The following FHOD3 variants were observed in gnomAD, a reference collection of about 807,000 sequenced individuals.
The protein encoded by FHOD3 is FH1/FH2 domain-containing protein 3.
In FHOD3, 90 loss-of-function variants were observed where a neutral mutation model predicts 173.0. The ratio of observed to expected loss-of-function variants is 0.52; its 90% CI spans 0.44 to 0.62. FHOD3 has a LOEUF of 0.62. FHOD3 is among the 20% of genes least tolerant of loss of function. The pLI, the probability that FHOD3 is intolerant of heterozygous loss-of-function variation, is 0.00. For missense variants in FHOD3, 1,945 were observed against 2,034.7 expected (o/e 0.96, Z 0.85); for synonymous variants, 828 against 823.0 (o/e 1.01, Z -0.10).
intron 5 of FHOD3, among the ~76,000 whole-genome samples, chr18:36,575,389 A>G (rs555239038): frequency 2.2e-4 from 34 of 152,282 alleles, no homozygotes; most frequent in African/African-American, 7.5e-4. Context: ...TTTCTAATCA[A>G]CGTATTTCAT....
chr18:36,355,435 T>C, intron 1 of FHOD3, 104 bp from the exon 2 acceptor site: 2 of 855,330 alleles, frequency 2.3e-6, no homozygotes, highest in Non-Finnish European at 3.8e-6. Flanking sequence ...TTTCAGAACA[T>C]TGCTTGATTT....
chr18:36,582,288 T>G (rs867010423), intron 6 of FHOD3, among the ~76,000 whole-genome samples: 1 of 152,194 alleles, frequency 6.6e-6, no homozygotes, highest in Non-Finnish European at 1.5e-5. Context: ...TGTTGTGTGA[T>G]CTGCTCAGAT....
intron 9 of FHOD3, among the ~76,000 whole-genome samples, chr18:36,617,768 C>T (rs1186333483): frequency 2.6e-5 from 4 of 151,940 alleles, no homozygotes; most frequent in Non-Finnish European, 5.9e-5. Context: ...TGGAAAATTA[C>T]ATGGGCCTGT....
At position 36,769,313 on chromosome 18, in the gene FHOD3, C is replaced by G; in HGVS notation, c.4673C>G (p.Thr1558Arg). Reference protein sequence around the residue: ...TMGTDDSPNVTDDAADEIMDR... With the variant: ...TMGTDDSPNVRDDAADEIMDR... ...GGAACTGATGACTCGCCCAATGTCACAGATGATGCAGCTGATGAGATCATG... is the reference window on the plus strand; with the variant it reads ...GGAACTGATGACTCGCCCAATGTCAGAGATGATGCAGCTGATGAGATCATG... The change falls in exon 28 of 29, where the codon ACA (threonine) becomes AGA (arginine). Residue 1558 changes from threonine (T) to arginine (R), a missense_variant. Physicochemically the swap from Thr to Arg is moderately conservative, Grantham distance 71. Coordinates refer to ENST00000590592, the MANE Select transcript of FHOD3 (RefSeq NM_001281740.3). 6.2e-7 allele frequency: 1 copy of G among 1,614,200 alleles called. No individual in the cohort carries two copies. The highest frequency in any genetic ancestry group is 8.5e-7 in the Non-Finnish European group (1 of 1,180,040).
rs570437081 is a variant in FHOD3, at chr18:36,443,868, C to G, written c.338-58064C>G. ...TTTTATTTGTAGCTCCTCTCTTCAT[C>G]AATAAGAAACTCAGCTTCCATTAGC... On this transcript the variant is annotated intron_variant, in intron 3 of 28. Transcript: ENST00000590592. Among the ~76,000 whole-genome samples, 284 of 152,256 alleles carry G rather than the reference C, an allele frequency of 1.9e-3. 3 individuals are homozygous for G. The highest frequency in any genetic ancestry group is 6.4e-3 in the African/African-American group (266 of 41,526).
chr18:36,643,433 G>T (rs945013816), intron 10 of FHOD3, among the ~76,000 whole-genome samples: 5 of 152,062 alleles, frequency 3.3e-5, no homozygotes, highest in African/African-American at 1.2e-4. Context: ...AATGTCCCCT[G>T]GGGTTGGGGG....
At chr18:36,685,369 T>G (rs754933708) in intron 15 of FHOD3, among the ~76,000 whole-genome samples, 15 of 152,216 alleles carry the variant, frequency 9.9e-5, no homozygotes, top group Non-Finnish European at 2.1e-4. Flanking sequence ...AGGATGTGAA[T>G]GAAAAGAAAT....
intron 5 of FHOD3, among the ~76,000 whole-genome samples, chr18:36,566,152 T>G (rs893908259): frequency 2.0e-5 from 3 of 152,180 alleles, no homozygotes; most frequent in African/African-American, 7.2e-5. Flanking sequence ...AAAAGTCAGA[T>G]GATTTTGCCA....
intron 1 of FHOD3, among the ~76,000 whole-genome samples, chr18:36,344,229 A>G (rs1047564929): frequency 1.3e-5 from 2 of 152,248 alleles, no homozygotes; most frequent in Non-Finnish European, 2.9e-5. Flanking sequence ...AAATTATTAT[A>G]GATAGAAGCA....
At chr18:36,559,996 C>A (rs1349665724) in intron 5 of FHOD3, among the ~76,000 whole-genome samples, 2 of 152,128 alleles carry the variant, frequency 1.3e-5, no homozygotes, top group African/African-American at 4.8e-5. Context: ...AAAGTGAATT[C>A]TTTCTAGGAT....
chr18:36,437,193 C>T (rs1448418264), intron 3 of FHOD3, among the ~76,000 whole-genome samples: 2 of 152,144 alleles, frequency 1.3e-5, no homozygotes, highest in South Asian at 2.1e-4. Context: ...TCTTGGCTCG[C>T]TGCATCCTTC....
chr18:36,328,576 C>G (rs2044803250), intron 1 of FHOD3, among the ~76,000 whole-genome samples: 1 of 152,106 alleles, frequency 6.6e-6, no homozygotes, highest in Non-Finnish European at 1.5e-5. Flanking sequence ...GTGTCCTGAT[C>G]TGACTCATAC....
At chr18:36,396,876 A>AT (rs11431532) in intron 3 of FHOD3, among the ~76,000 whole-genome samples, 66,103 of 150,178 alleles carry the variant, frequency 0.44, 14,782 homozygotes, top group East Asian at 0.68. Context: ...CTTGGTTCAC[A>AT]TTTTTTTTTT....
intron 5 of FHOD3, among the ~76,000 whole-genome samples, chr18:36,571,508 T>G (rs2058451689): frequency 6.6e-6 from 1 of 152,236 alleles, no homozygotes; most frequent in Non-Finnish European, 1.5e-5. Context: ...GTTGTTGATT[T>G]AGACAAGCTG....
rs765159862 is a variant in FHOD3, at chr18:36,740,779, G to A, written c.3700G>A (p.Glu1234Lys). ...CCTCCTCACCCTGTCCTCCATCAGCGAGCTCTCTGCACGACTTCACCTCTG... is the reference window on the plus strand; with the variant it reads ...CCTCCTCACCCTGTCCTCCATCAGCAAGCTCTCTGCACGACTTCACCTCTG... The part of the protein sequence containing the change: ...QFLLTLSSIS[E>K]LSARLHLWAF... Residue 1234 changes from glutamate (E) to lysine (K), a missense_variant, in exon 21 of 29, where the codon GAG (glutamate) becomes AAG (lysine). Glu to Lys is a moderately conservative substitution (Grantham distance 56). Around this residue, in one of 5 missense-constraint regions of FHOD3, gnomAD observed 231 missense variants for 321.9 expected, o/e 0.72. Transcript: ENST00000590592. The A allele has an allele frequency of 7.4e-6, 12 of 1,613,882 alleles. No homozygotes were observed. In the East Asian group the frequency reaches 8.9e-5, roughly 12 times the overall value.
intron 8 of FHOD3, among the ~76,000 whole-genome samples, chr18:36,603,368 G>A (rs2031654479): frequency 6.6e-6 from 1 of 152,110 alleles, no homozygotes. Context: ...GCAGGTGTGT[G>A]TGCTTGTGAA....
At chr18:36,389,712 C>T (rs1367493039) in intron 3 of FHOD3, among the ~76,000 whole-genome samples, 2 of 152,292 alleles carry the variant, frequency 1.3e-5, no homozygotes, top group Non-Finnish European at 2.9e-5. Flanking sequence ...GGGAGCCCAA[C>T]ACCCTGCTCT....
chr18:36,310,989 T>G (rs904821015), intron 1 of FHOD3, among the ~76,000 whole-genome samples: 1 of 151,826 alleles, frequency 6.6e-6, no homozygotes, highest in Non-Finnish European at 1.5e-5. Flanking sequence ...GACCACAAAC[T>G]GAATAAAAAA....
intron 3 of FHOD3, among the ~76,000 whole-genome samples, chr18:36,486,234 C>T (rs2145650603): frequency 6.6e-6 from 1 of 152,358 alleles, no homozygotes; most frequent in South Asian, 2.1e-4. Context: ...CTTCTCCTCT[C>T]CCAGTCACAA....
Sources: gnomAD v4.1 joint callset for allele counts (sites outside exome capture counted in the v4.1 genomes callset) on GRCh38, gnomAD v4.1.1 for gene constraint, gnomAD v4.1.1 regional missense constraint, MANE v1.5 for transcripts, NCBI Gene and HGNC (gene_info 2026-07-23, HGNC 2026-07-21) for gene names.